PDCD11: variants seen among roughly 807,000 people sequenced by gnomAD.
PDCD11 encodes the protein programmed cell death 11, also known as protein RRP5 homolog.
Under a neutral mutation model 198.9 loss-of-function variants are expected in PDCD11, and 97 were observed. The ratio of observed to expected loss-of-function variants is 0.49; its 90% CI spans 0.41 to 0.58. The LOEUF is 0.58. PDCD11 is among the 20% of genes least tolerant of loss of function. The pLI is 0.00. For missense variants in PDCD11, 2,102 were observed against 2,312.7 expected (o/e 0.91, Z 1.87); for synonymous variants, 893 against 918.0 (o/e 0.97, Z 0.49).
At chr10:103,438,586 T>A in intron 26 of PDCD11, 100 bp from the exon 27 acceptor site, 1 of 1,480,308 alleles carries the variant, frequency 6.8e-7, no homozygotes, top group Admixed American at 1.8e-5. Context: ...AGGTCCAGAG[T>A]CATATTCTTA....
At position 103,421,379 on chromosome 10, in the gene PDCD11, G is replaced by A. The variant is rs544056411; in HGVS notation, c.2309G>A (p.Ser770Asn). 1.9e-6 allele frequency: 3 copies of A among 1,609,988 alleles called. No homozygotes were observed. Among genetic ancestry groups the A allele is most frequent in the Non-Finnish European group, 2.5e-6 (3 of 1,178,066 alleles). ...AGTGACAAATTTGTGACCTCCACAA[G>A]TGACCACTTTGTTGAGGGCCAGACA... ...IMSDKFVTST[S>N]DHFVEGQTVA... is the part of the protein sequence containing the mutation. Residue 770 changes from serine (S) to asparagine (N), a missense_variant, in exon 17 of 36, where the codon AGT becomes AAT. By Grantham distance (46) the Ser-to-Asn change is conservative. Transcript: ENST00000369797.
chr10:103,434,163 A>G (rs2032050249), intron 23 of PDCD11, 85 bp from the exon 24 acceptor site: 5 of 1,202,034 alleles, frequency 4.2e-6, no homozygotes, highest in Non-Finnish European at 6.2e-6. Flanking sequence ...TTTGGGAGAT[A>G]CTTGCTTTGG....
rs757517237 is a variant in PDCD11, at chr10:103,415,100, G to A, written c.1467G>A (p.Leu489=). ...LVPPMHLADI[L]MKNPEKKYHI... ...CTCCCATGCACCTGGCTGACATCCT[G>A]ATGAAGAATCCGGAGAAGAAGTACC... The change falls in exon 12 of 36, where the codon CTG becomes CTA. Residue 489 remains leucine (L), a synonymous_variant. Coordinates refer to ENST00000369797, the MANE Select transcript of PDCD11 (RefSeq NM_014976.2). 4.6e-5 allele frequency: 74 copies of A among 1,614,072 alleles called. 1 individual carries two copies. Among genetic ancestry groups the A allele is most frequent in the Non-Finnish European group, 3.4e-5 (40 of 1,180,052 alleles).
chr10:103,434,195 G>T, intron 23 of PDCD11, 53 bp from the exon 24 acceptor site: 1 of 1,316,750 alleles, frequency 7.6e-7, no homozygotes, highest in Non-Finnish European at 1.1e-6. Context: ...CTGTGGTTTT[G>T]GATAAATGAC....
chr10:103,445,648 T>G lies in PDCD11; in HGVS notation c.*99T>G, dbSNP rs1051070034. 3.2e-6 allele frequency: 3 copies of G among 943,036 alleles called. No homozygotes were observed. Among genetic ancestry groups the G allele is most frequent in the Non-Finnish European group, 4.8e-6 (3 of 631,476 alleles). The allele number at this position is 943,036 out of a possible 1,614,324, so 58.4% of individuals were successfully genotyped here. On this transcript the variant is annotated 3_prime_UTR_variant, in exon 36 of 36. Transcript: ENST00000369797. ...AAAACTGTTACCTCAGGACTCTATT[T>G]AAATGCTGCTTTTTCTGCAGCACGC... is the stretch of plus-strand genomic sequence containing the variant.
intron 7 of PDCD11, among the ~76,000 whole-genome samples, chr10:103,407,480 G>A (rs991621723): frequency 8.6e-5 from 13 of 152,020 alleles, no homozygotes; most frequent in Admixed American, 3.9e-4. Flanking sequence ...GGAGAATGGC[G>A]TGAACCCAGG....
chr10:103,424,885 C>G, intron 19 of PDCD11, 99 bp from the exon 20 acceptor site: 1 of 1,393,048 alleles, frequency 7.2e-7, no homozygotes, highest in Non-Finnish European at 9.9e-7. Flanking sequence ...GCCTTGGGAC[C>G]CCAGAGGGTT....
intron 16 of PDCD11, 29 bp downstream of exon 16, chr10:103,419,737 T>G (rs1317323659): frequency 1.1e-5 from 18 of 1,606,460 alleles, no homozygotes; most frequent in Non-Finnish European, 1.5e-5. Flanking sequence ...ACAAGGGCTT[T>G]GAGGAGAGAT....
chr10:103,432,074 C>T (rs2031958477), intron 21 of PDCD11, 55 bp from the exon 22 acceptor site: 1 of 1,358,106 alleles, frequency 7.4e-7, no homozygotes, highest in African/African-American at 1.4e-5. Flanking sequence ...TGGTTTCAAA[C>T]TGGAAGTCTT....
At chr10:103,440,983 CGTCAGCT>C (rs2032365210) in intron 30 of PDCD11, 133 bp downstream of exon 30, 1 of 628,868 alleles carries the variant, frequency 1.6e-6, no homozygotes, top group South Asian at 2.0e-5. Flanking sequence ...CTCCATTGAC[CGTCAGCT>C]CCTTGAGGAC....
intron 20 of PDCD11, among the ~76,000 whole-genome samples, chr10:103,426,649 C>T (rs1172684306): frequency 2.6e-5 from 4 of 151,578 alleles, no homozygotes; most frequent in East Asian, 1.9e-4. Context: ...AAAAATTAGC[C>T]GGGCACAGTG....
rs1382047467 is a variant in PDCD11, at chr10:103,403,305, A to G, written c.402+20A>G. 6.2e-7 allele frequency: 1 copy of G among 1,600,942 alleles called. No individual in the cohort carries two copies. The highest frequency in any genetic ancestry group is 1.8e-5 in the Admixed American group (1 of 57,116). On this transcript the variant is annotated intron_variant, in intron 4 of 35. Transcript: ENST00000369797. ...CTGAAGGTAAGGGAAATCCGAATGA[A>G]GCCTGTTATTGAAAATAAGTGGAAC... is the stretch of plus-strand genomic sequence containing the variant.
rs1279584288 is a variant in PDCD11, at chr10:103,438,046, T to C, written c.3877T>C (p.Leu1293=). 3 of 1,613,746 alleles carry C rather than the reference T, an allele frequency of 1.9e-6. No individual in the cohort carries two copies. In the Admixed American group the frequency reaches 5.0e-5, roughly 27 times the overall value. Residue 1293 remains leucine (L), a synonymous_variant, in exon 26 of 36, where the codon TTG becomes CTG. Transcript: ENST00000369797. ...CATCCTGTCCACTGCAGACAACGTA[T>C]TGACTTTGTCGCTGCGATCATCCAG... is the stretch of plus-strand genomic sequence containing the variant. The part of the protein sequence containing the change: ...CYILSTADNV[L]TLSLRSSRTN...
intron 25 of PDCD11, among the ~76,000 whole-genome samples, chr10:103,437,065 G>T (rs1047570036): frequency 6.6e-6 from 1 of 152,192 alleles, no homozygotes; most frequent in African/African-American, 2.4e-5. Flanking sequence ...ACGTTCTCAG[G>T]ATCTAACACA....
chr10:103,413,210 G>A lies in PDCD11; in HGVS notation c.1073G>A (p.Arg358Gln), dbSNP rs756975393. The change falls in exon 9 of 36, where the codon CGA becomes CAA. Residue 358 changes from arginine (R) to glutamine (Q), a missense_variant. By Grantham distance (43) the Arg-to-Gln change is conservative. Coordinates refer to ENST00000369797, the MANE Select transcript of PDCD11 (RefSeq NM_014976.2). ...CTACAGCCTGGACGCCCACTCACCC[G>A]ACTCTCTTGCCAGAACCTTGGAGCA... Reference protein sequence around the residue: ...IFLQPGRPLTRLSCQNLGAVL... With the variant: ...IFLQPGRPLTQLSCQNLGAVL... 8.7e-6 allele frequency: 14 copies of A among 1,614,070 alleles called. No homozygotes were observed. In the East Asian group the frequency reaches 1.8e-4, roughly 21 times the overall value.
chr10:103,443,848 C>G, intron 33 of PDCD11, 67 bp from the exon 34 acceptor site: 2 of 1,504,292 alleles, frequency 1.3e-6, no homozygotes, highest in Non-Finnish European at 1.8e-6. Flanking sequence ...GTGAGTGTTG[C>G]TGCTTGTCTG....
Position 103,411,019 on chromosome 10 carries a change from G to A in PDCD11, c.978+1213G>A, listed in dbSNP as rs183347551. Among the ~76,000 whole-genome samples, 1,181 of 151,594 alleles carry A rather than the reference G, an allele frequency of 7.8e-3. 5 individuals carry two copies. Among genetic ancestry groups the A allele is most frequent in the Non-Finnish European group, 0.013 (910 of 67,894 alleles). On this transcript the variant is annotated intron_variant, in intron 8 of 35. Transcript: ENST00000369797. ...GAACCCAGGAGGCAGAGGTTGCAGT[G>A]AGCCGAGATTGTGCCACTGCACCCC...
At chr10:103,430,659 G>T (rs2031893659) in intron 21 of PDCD11, among the ~76,000 whole-genome samples, 1 of 149,260 alleles carries the variant, frequency 6.7e-6, no homozygotes, top group Admixed American at 6.7e-5. Context: ...TTTAATAGTG[G>T]CCATCCTGCC....
At position 103,440,328 on chromosome 10, in the gene PDCD11, TCCCCGG is replaced by T. The variant is rs1333668814; in HGVS notation, c.4188_4193del (p.Pro1397_Gly1398del). 3 of 1,614,014 alleles carry T rather than the reference TCCCCGG, an allele frequency of 1.9e-6. No individual in the cohort carries two copies. In the South Asian group the frequency reaches 3.3e-5, roughly 18 times the overall value. Reference sequence around the variant, plus strand: ...AAGAACCTGGTAGAGCTGTCTTTCCTCCCCGGAGACACTGGGAAGCCAGACGTGCTT... The same window carrying T: ...AAGAACCTGGTAGAGCTGTCTTTCCTAGACACTGGGAAGCCAGACGTGCTT... On this transcript the variant is annotated inframe_deletion, in exon 29 of 36. Transcript: ENST00000369797.
Sources: allele counts gnomAD v4.1 joint callset (sites outside exome capture counted in the v4.1 genomes callset), GRCh38; gene constraint gnomAD v4.1.1; transcripts MANE v1.5; gene names NCBI Gene and HGNC (gene_info 2026-07-23, HGNC 2026-07-21).